The following SPNS3 variants were observed in gnomAD, a reference collection of about 807,000 sequenced individuals.
The protein encoded by SPNS3 is SPNS lysolipid transporter 3, sphingosine-1-phosphate (putative).
In SPNS3, 51 loss-of-function variants were observed where a neutral mutation model predicts 54.4. That is an observed-to-expected ratio of 0.94 (90% CI 0.75 to 1.18). SPNS3 has a LOEUF of 1.18. SPNS3 is among the 50% of genes most tolerant of loss of function. SPNS3 has a pLI of 0.00. For synonymous variants in SPNS3, 309 were observed against 294.7 expected (o/e 1.05, Z -0.50); for missense variants, 669 against 677.4 (o/e 0.99, Z 0.14).
At chr17:4,450,447 C>T (rs1971133317) in intron 7 of SPNS3, among the ~76,000 whole-genome samples, 1 of 148,600 alleles carries the variant, frequency 6.7e-6, no homozygotes, top group Non-Finnish European at 1.5e-5. Context: ...CAAGGTCTCA[C>T]TCTGTCACCA....
At chr17:4,480,344 G>C (rs1972118874) in intron 9 of SPNS3, among the ~76,000 whole-genome samples, 2 of 152,248 alleles carry the variant, frequency 1.3e-5, no homozygotes, top group Non-Finnish European at 2.9e-5. Context: ...GGTAGGGTGA[G>C]CAAGGCGGCC....
chr17:4,442,091 G>A (rs531324374), intron 2 of SPNS3, among the ~76,000 whole-genome samples: 58 of 151,690 alleles, frequency 3.8e-4, no homozygotes, highest in Non-Finnish European at 3.5e-4. Flanking sequence ...AGTGGGCTTA[G>A]AGGCCTGATG....
chr17:4,441,226 T>A (rs1011284322), intron 2 of SPNS3, among the ~76,000 whole-genome samples: 3 of 152,182 alleles, frequency 2.0e-5, no homozygotes, highest in Non-Finnish European at 4.4e-5. Flanking sequence ...GAAACTTCTT[T>A]AAGAGTGACA....
chr17:4,433,958 G>T lies in SPNS3; in HGVS notation c.-10G>T. 2 of 1,516,168 alleles carry T rather than the reference G, an allele frequency of 1.3e-6. No homozygotes were observed. The highest frequency in any genetic ancestry group is 1.8e-6 in the Non-Finnish European group (2 of 1,131,876). The allele number at this position is 1,516,168 out of a possible 1,614,324, so 93.9% of individuals were successfully genotyped here. On this transcript the variant is annotated 5_prime_UTR_variant, in exon 1 of 12. Transcript: ENST00000355530. Reference sequence around the variant, plus strand: ...TGGCGCCAGTCTCAGGCCAAGAGCTGCAGGCTGGCATGGCTGGGGGGATGT... The same window carrying T: ...TGGCGCCAGTCTCAGGCCAAGAGCTTCAGGCTGGCATGGCTGGGGGGATGT...
intron 8 of SPNS3, among the ~76,000 whole-genome samples, chr17:4,476,099 G>T (rs1971990036): frequency 6.6e-6 from 1 of 152,166 alleles, no homozygotes; most frequent in East Asian, 1.9e-4. Flanking sequence ...CACACCCCTT[G>T]GCTGTGGAGC....
At position 4,449,399 on chromosome 17, in the gene SPNS3, C is replaced by CG; in HGVS notation, c.923+17dup. 6.4e-7 allele frequency: 1 copy of CG among 1,570,674 alleles called. No individual in the cohort carries two copies. The highest frequency in any genetic ancestry group is 1.2e-5 in the South Asian group (1 of 86,210). ...AGCAACCCCGACAGGTGAGGGCATC[C>CG]GGGGGCCCTGGGCACCTGGCCCGGC... On this transcript the variant is annotated intron_variant, in intron 7 of 11. Coordinates refer to ENST00000355530, the MANE Select transcript of SPNS3 (RefSeq NM_182538.5).
Position 4,449,327 on chromosome 17 carries a change from C to G in SPNS3, c.863C>G (p.Ala288Gly). 1 of 1,611,718 alleles carries G rather than the reference C, an allele frequency of 6.2e-7. No individual in the cohort carries two copies. The highest frequency in any genetic ancestry group is 8.5e-7 in the Non-Finnish European group (1 of 1,179,872). ...GFWAPKFLLE[A>G]RVVHGLQPPC... ...TGGGCCCCCAAGTTTCTGCTCGAGG[C>G]ACGCGTGGTTCACGGGCTGCAGCCT... Residue 288 changes from alanine to glycine, a missense_variant, in exon 7 of 12, where the codon GCA (alanine) becomes GGA (glycine). Coordinates refer to ENST00000355530, the MANE Select transcript of SPNS3 (RefSeq NM_182538.5).
intron 1 of SPNS3, among the ~76,000 whole-genome samples, chr17:4,435,944 C>T (rs1423704628): frequency 6.6e-6 from 1 of 152,168 alleles, no homozygotes; most frequent in Non-Finnish European, 1.5e-5. Flanking sequence ...ACAAAGACAA[C>T]AACAATAACA....
chr17:4,446,714 C>T (rs1970997203), intron 4 of SPNS3, 182 bp from the exon 5 acceptor site: 1 of 634,408 alleles, frequency 1.6e-6, no homozygotes, highest in Non-Finnish European at 2.8e-6. Context: ...CACTGGTGAC[C>T]TGACCGAGGG....
intron 8 of SPNS3, among the ~76,000 whole-genome samples, chr17:4,454,411 G>T (rs182453989): frequency 1.3e-5 from 2 of 152,214 alleles, no homozygotes; most frequent in Non-Finnish European, 2.9e-5. Flanking sequence ...ACACAGATGC[G>T]CTTGCACATG....
At chr17:4,473,059 G>T (rs552405572) in intron 8 of SPNS3, among the ~76,000 whole-genome samples, 3 of 152,046 alleles carry the variant, frequency 2.0e-5, no homozygotes, top group Non-Finnish European at 4.4e-5. Context: ...AAAGTGTTGG[G>T]ATTATAGGTG....
At chr17:4,487,487 G>A (rs1006961255) in intron 11 of SPNS3, among the ~76,000 whole-genome samples, 2 of 152,236 alleles carry the variant, frequency 1.3e-5, no homozygotes, top group Admixed American at 6.5e-5. Context: ...TGAGACGGGA[G>A]CTGCTGTGGG....
chr17:4,463,797 A>G (rs1002349130), intron 8 of SPNS3, among the ~76,000 whole-genome samples: 4 of 151,896 alleles, frequency 2.6e-5, no homozygotes, highest in Admixed American at 1.3e-4. Flanking sequence ...TGAACATGCT[A>G]AATGTATATT....
chr17:4,486,196 G>T lies in SPNS3; in HGVS notation c.1180-32G>T. On this transcript the variant is annotated intron_variant, in intron 9 of 11. Coordinates refer to ENST00000355530, the MANE Select transcript of SPNS3 (RefSeq NM_182538.5). This position sits in a 1 kb window ranked among gnomAD's most constrained non-coding sequence, Gnocchi z 5.5. The stretch of plus-strand genomic sequence containing the variant: ...CAGCAGGCAAGGGTGCCCTCACTTG[G>T]GGTGCCCCCCTGCTGTGCCTATGTT... The T allele has an allele frequency of 1.3e-6, 2 of 1,503,692 alleles. No homozygotes were observed. The highest frequency in any genetic ancestry group is 1.8e-6 in the Non-Finnish European group (2 of 1,128,740). 93.1% of individuals were successfully genotyped at this position (1,503,692 alleles called of 1,614,324 possible).
Position 4,441,757 on chromosome 17 carries a change from A to G in SPNS3, c.265+2034A>G, listed in dbSNP as rs193244501. Among the ~76,000 whole-genome samples, 93 of 144,896 alleles carry G rather than the reference A, an allele frequency of 6.4e-4. 1 individual carries two copies. The highest frequency in any genetic ancestry group is 1.9e-3 in the African/African-American group (73 of 38,902). On this transcript the variant is annotated intron_variant, in intron 2 of 11. Transcript: ENST00000355530. ...AATTACAGGCACCTGCCATCATGCC[A>G]GGCTGATTTTTGTACTTTTAATAGA...
intron 8 of SPNS3, among the ~76,000 whole-genome samples, chr17:4,457,428 C>T (rs868287751): frequency 6.6e-6 from 1 of 152,208 alleles, no homozygotes; most frequent in African/African-American, 2.4e-5. Flanking sequence ...CCAACTTGGC[C>T]GTGACGCCTC....
chr17:4,462,776 T>C (rs1276722253), intron 8 of SPNS3, among the ~76,000 whole-genome samples: 1 of 84,950 alleles, frequency 1.2e-5, no homozygotes. Flanking sequence ...CATCCATCCA[T>C]CCATCCATCC....
At chr17:4,435,448 AAAAAAT>A (rs1437809799) in intron 1 of SPNS3, among the ~76,000 whole-genome samples, 1 of 147,172 alleles carries the variant, frequency 6.8e-6, no homozygotes, top group Non-Finnish European at 1.5e-5. Context: ...CTCAAAAAAA[AAAAAAT>A]AAAAAATAAA....
chr17:4,485,172 C>G (rs547570512), intron 9 of SPNS3: 2 of 152,168 alleles, frequency 1.3e-5, no homozygotes, highest in South Asian at 4.1e-4. Flanking sequence ...CCTGGAGCAT[C>G]CTGTCTCAGA....
Sources: gnomAD v4.1 joint callset for allele counts (sites outside exome capture counted in the v4.1 genomes callset) on GRCh38, gnomAD v4.1.1 for gene constraint, Gnocchi (gnomAD v3.1) non-coding constraint, MANE v1.5 for transcripts, NCBI Gene and HGNC (gene_info 2026-07-23, HGNC 2026-07-21) for gene names.